ATP13A4: variants seen among roughly 807,000 people sequenced by gnomAD.
ATP13A4 encodes probable cation-transporting ATPase 13A4.
A neutral mutation model predicts 142.5 loss-of-function variants in ATP13A4; 114 were observed. The observed-to-expected ratio is 0.80, with a 90% CI of 0.69 to 0.93. The LOEUF (loss-of-function observed/expected upper bound fraction) is 0.93, where lower values mean the gene tolerates loss of function less well. Ranked by LOEUF, ATP13A4 falls within the 40% of genes least tolerant of loss-of-function variation. The probability of loss-of-function intolerance (pLI) is 0.00; values close to 1 mark genes in which losing one functional copy is unlikely to be tolerated. For missense variants in ATP13A4, 1,392 were observed against 1,454.0 expected (o/e 0.96, Z 0.69); for synonymous variants, 488 against 514.8 (o/e 0.95, Z 0.70).
intron 25 of ATP13A4, among the ~76,000 whole-genome samples, chr3:193,419,358 T>C (rs1715289605): frequency 6.7e-6 from 1 of 150,226 alleles, no homozygotes. Flanking sequence ...AACAATGCCT[T>C]GGCAAAGTGG....
At chr3:193,518,232 A>T (rs78066820) in intron 1 of ATP13A4, among the ~76,000 whole-genome samples, 22 of 152,344 alleles carry the variant, frequency 1.4e-4, no homozygotes, top group African/African-American at 5.1e-4. Flanking sequence ...AGTGAGTGAG[A>T]TGTACTGTGG....
chr3:193,508,402 T>C (rs187621829), intron 2 of ATP13A4, among the ~76,000 whole-genome samples: 82 of 152,242 alleles, frequency 5.4e-4, no homozygotes, highest in Non-Finnish European at 1.0e-3. Context: ...CAGAGAATAA[T>C]TAGATCTCTA....
chr3:193,418,030 G>A (rs1204527101), intron 25 of ATP13A4, among the ~76,000 whole-genome samples: 10 of 140,600 alleles, frequency 7.1e-5, no homozygotes, highest in African/African-American at 1.1e-4. Context: ...GCTGAGGCAG[G>A]AGAATGGCGT....
upstream of ATP13A4, among the ~76,000 whole-genome samples, chr3:193,556,363 ATG>A (rs1335651509): frequency 1.3e-5 from 2 of 151,874 alleles, no homozygotes; most frequent in Non-Finnish European, 2.9e-5. Flanking sequence ...CAATGTGTGC[ATG>A]TGTGTGTGTG....
chr3:193,555,893 C>T (rs928266540), upstream of ATP13A4, among the ~76,000 whole-genome samples: 2 of 152,124 alleles, frequency 1.3e-5, no homozygotes, highest in South Asian at 2.1e-4. Flanking sequence ...CTATAGGAAC[C>T]GGCTCTTCTC....
At chr3:193,576,249 C>CTTT (rs59910562) in intron 2 of ATP13A4, among the ~76,000 whole-genome samples, 1,751 of 54,464 alleles carry the variant, frequency 0.032, 375 homozygotes, top group Middle Eastern at 0.042. Context: ...TTGAATCAAT[C>CTTT]TTTTTTTTTT....
chr3:193,469,562 A>G (rs2108646575), intron 9 of ATP13A4, among the ~76,000 whole-genome samples: 1 of 152,338 alleles, frequency 6.6e-6, no homozygotes, highest in Non-Finnish European at 1.5e-5. Context: ...CGGGAGGCAG[A>G]GATTGCAGTG....
chr3:193,591,059 C>A (rs1336497243), intron 1 of ATP13A4, among the ~76,000 whole-genome samples: 1 of 152,172 alleles, frequency 6.6e-6, no homozygotes, highest in Non-Finnish European at 1.5e-5. Flanking sequence ...ACAAATGTAG[C>A]ATTTTTTTGC....
intron 25 of ATP13A4, chr3:193,418,903 C>T (rs990737101): frequency 6.6e-6 from 1 of 150,780 alleles, no homozygotes; most frequent in Non-Finnish European, 1.5e-5. Flanking sequence ...TGCCTGGTGC[C>T]CTGCCATCCC....
chr3:193,432,847 A>G (rs1716055362), intron 25 of ATP13A4, among the ~76,000 whole-genome samples: 1 of 152,126 alleles, frequency 6.6e-6, no homozygotes, highest in African/African-American at 2.4e-5. Context: ...AGAGCAGAGG[A>G]TTTTTAGGGC....
At position 193,442,541 on chromosome 3, in the gene ATP13A4, G is replaced by C; in HGVS notation, c.2168C>G (p.Thr723Ser). The C allele has an allele frequency of 6.2e-7, 1 of 1,613,870 alleles. No individual in the cohort carries two copies. The highest frequency in any genetic ancestry group is 8.5e-7 in the Non-Finnish European group (1 of 1,179,818). ...TVMITGDNLQ[T>S]AITVARKSGM... ...AGATTTTCTGGCCACTGTTATTGCA[G>C]TCTGAAGATTGTCACCTAGAGGAAA... The change falls in exon 19 of 30, where the codon ACT becomes AGT. Residue 723 changes from threonine (T) to serine (S), a missense_variant. Coordinates refer to ENST00000342695, the MANE Select transcript of ATP13A4 (RefSeq NM_032279.4).
At chr3:193,527,950 G>A (rs1169696177) in intron 1 of ATP13A4, among the ~76,000 whole-genome samples, 1 of 152,124 alleles carries the variant, frequency 6.6e-6, no homozygotes. Context: ...GGAACCTTCT[G>A]AACATGACAC....
chr3:193,404,225 C>A, intron 29 of ATP13A4: 1 of 857,788 alleles, frequency 1.2e-6, no homozygotes, highest in Non-Finnish European at 1.4e-6. Context: ...TTCAAGGAAA[C>A]CTTAGCAAAC....
At chr3:193,520,996 G>A (rs574651037) in intron 1 of ATP13A4, among the ~76,000 whole-genome samples, 151 of 152,232 alleles carry the variant, frequency 9.9e-4, no homozygotes, top group Non-Finnish European at 1.7e-3. Context: ...ATTGCTATGG[G>A]AAACAATAGA....
intron 1 of ATP13A4, among the ~76,000 whole-genome samples, chr3:193,583,541 G>C (rs1198529840): frequency 2.0e-5 from 3 of 152,078 alleles, no homozygotes; most frequent in South Asian, 2.1e-4. Context: ...CATATGCAGA[G>C]ATGTAGCCTA....
At chr3:193,499,353 A>G (rs888774320) in intron 3 of ATP13A4, among the ~76,000 whole-genome samples, 1 of 152,216 alleles carries the variant, frequency 6.6e-6, no homozygotes, top group African/African-American at 2.4e-5. Context: ...TGAAATCTCA[A>G]GCATCTTGCC....
At chr3:193,469,587 T>A (rs1718499279) in intron 9 of ATP13A4, among the ~76,000 whole-genome samples, 1 of 152,188 alleles carries the variant, frequency 6.6e-6, no homozygotes, top group Non-Finnish European at 1.5e-5. Context: ...AAGATCAAGC[T>A]ACTGCACTTC....
intron 2 of ATP13A4, among the ~76,000 whole-genome samples, chr3:193,509,114 T>A (rs1404072415): frequency 6.6e-6 from 1 of 151,886 alleles, no homozygotes; most frequent in African/African-American, 2.4e-5. Flanking sequence ...AAGTCTTAGG[T>A]TTAAGTTCTT....
chr3:193,410,722 A>G (rs1468757907), intron 28 of ATP13A4, among the ~76,000 whole-genome samples: 1 of 152,220 alleles, frequency 6.6e-6, no homozygotes, highest in Non-Finnish European at 1.5e-5. Context: ...CTGTCTCTTA[A>G]ATAATAAGAA....
Sources: gnomAD v4.1 joint callset for allele counts (sites outside exome capture counted in the v4.1 genomes callset) on GRCh38, gnomAD v4.1.1 for gene constraint, MANE v1.5 for transcripts, NCBI Gene and HGNC (gene_info 2026-07-23, HGNC 2026-07-21) for gene names.